Variants in GRM8 observed in about 807,000 individuals in gnomAD.
The protein encoded by GRM8 is glutamate metabotropic receptor 8.
In GRM8, 47 loss-of-function variants were observed where a neutral mutation model predicts 87.2. That is an observed-to-expected ratio of 0.54 (90% CI 0.43 to 0.69). The LOEUF is 0.69. GRM8 is among the 30% of genes least tolerant of loss of function. GRM8 has a pLI of 0.00. For synonymous variants in GRM8, 396 were observed against 404.5 expected, an observed-to-expected ratio of 0.98 and a Z score of 0.25; for missense variants, 1,019 against 1,139.2, an observed-to-expected ratio of 0.89 and a Z score of 1.52.
chr7:127,040,530 C>T (rs1480805155), intron 3 of GRM8, among the ~76,000 whole-genome samples: 3 of 151,748 alleles, frequency 2.0e-5, no homozygotes, highest in African/African-American at 7.3e-5. Flanking sequence ...ACCAGTGTAG[C>T]CAAACCCCAC....
intron 2 of GRM8, among the ~76,000 whole-genome samples, chr7:127,238,603 A>T (rs945245774): frequency 3.3e-5 from 5 of 152,198 alleles, no homozygotes; most frequent in South Asian, 2.1e-4. Context: ...CTCGAGGTTG[A>T]GTATCACTAA....
chr7:127,163,851 G>A (rs1395778406), intron 2 of GRM8, among the ~76,000 whole-genome samples: 1 of 152,042 alleles, frequency 6.6e-6, no homozygotes, highest in Non-Finnish European at 1.5e-5. Flanking sequence ...AAATGTTTAA[G>A]CACCCCTTTG....
intron 3 of GRM8, among the ~76,000 whole-genome samples, chr7:127,073,491 A>G (rs1213139626): frequency 6.6e-6 from 1 of 152,186 alleles, no homozygotes; most frequent in African/African-American, 2.4e-5. Flanking sequence ...GGAAAATGAA[A>G]GTACAGGCTC....
In GRM8 at chr7:126,995,436, C is replaced by T. The variant is rs541532613; in HGVS notation, c.728-90753G>A. On this transcript the variant is annotated intron_variant, in intron 3 of 10. Coordinates refer to ENST00000339582, the MANE Select transcript of GRM8 (RefSeq NM_000845.3). Reference sequence around the variant, plus strand: ...GGCAGAGAATTCAAAATAGCTCTTTCGAGGAAACTCAAAGAAATTCAACAT... The same window carrying T: ...GGCAGAGAATTCAAAATAGCTCTTTTGAGGAAACTCAAAGAAATTCAACAT... 2.3e-3 allele frequency among the ~76,000 whole-genome samples: 350 copies of T among 152,212 alleles called. 1 individual carries two copies. The highest frequency in any genetic ancestry group is 3.7e-3 in the Non-Finnish European group (252 of 67,984).
rs543610373 is a variant in GRM8 at position 126,618,165 on chromosome 7, G to C, written c.1358-8667C>G. 9.6e-4 allele frequency among the ~76,000 whole-genome samples: 146 copies of C among 152,166 alleles called. No homozygotes were observed. In the Middle Eastern group the frequency reaches 0.02, roughly 21 times the overall value. ...CAGTAACCAAAACAGCATGGTACTG[G>C]TACCAAAACAGAGATATAGACCAAT... is the stretch of plus-strand genomic sequence containing the variant. On this transcript the variant is annotated intron_variant, in intron 7 of 10. Coordinates refer to ENST00000339582, the MANE Select transcript of GRM8 (RefSeq NM_000845.3).
intron 6 of GRM8, among the ~76,000 whole-genome samples, chr7:126,791,919 T>C (rs1168498122): frequency 1.3e-5 from 2 of 152,160 alleles, no homozygotes; most frequent in Non-Finnish European, 2.9e-5. Flanking sequence ...GCACTCTGTG[T>C]TCCTCAGTGA....
intron 6 of GRM8, among the ~76,000 whole-genome samples, chr7:126,774,744 A>C (rs1819233119): frequency 6.6e-6 from 1 of 152,116 alleles, no homozygotes; most frequent in African/African-American, 2.4e-5. Context: ...AAATTGACTT[A>C]AGTTGGCAAA....
intron 3 of GRM8, chr7:127,082,076 A>G (rs1180430053): frequency 6.6e-6 from 1 of 152,240 alleles, no homozygotes; most frequent in Non-Finnish European, 1.5e-5. Flanking sequence ...GTACACACTG[A>G]GCCCACACTG....
At chr7:127,003,567 C>G (rs903426068) in intron 3 of GRM8, among the ~76,000 whole-genome samples, 1 of 151,656 alleles carries the variant, frequency 6.6e-6, no homozygotes, top group Non-Finnish European at 1.5e-5. Flanking sequence ...AAGAGTACTG[C>G]AACTCTCTGG....
At chr7:126,867,023 A>G (rs1195201208) in intron 6 of GRM8, among the ~76,000 whole-genome samples, 1 of 152,192 alleles carries the variant, frequency 6.6e-6, no homozygotes, top group Non-Finnish European at 1.5e-5. Context: ...AATTGGTATC[A>G]CAGCAATATT....
intron 8 of GRM8, among the ~76,000 whole-genome samples, chr7:126,561,847 A>G (rs956818324): frequency 1.1e-4 from 11 of 99,830 alleles, no homozygotes; most frequent in South Asian, 3.9e-4. Context: ...TCATTGTTCA[A>G]TTCCCACCTA....
At chr7:126,930,468 C>T (rs1805649369) in intron 3 of GRM8, among the ~76,000 whole-genome samples, 2 of 152,146 alleles carry the variant, frequency 1.3e-5, no homozygotes, top group Non-Finnish European at 2.9e-5. Context: ...CTTGCCGAGT[C>T]CTCCTTCTGA....
intron 6 of GRM8, among the ~76,000 whole-genome samples, chr7:126,846,255 C>T (rs886344651): frequency 7.2e-5 from 11 of 152,086 alleles, no homozygotes; most frequent in Admixed American, 4.6e-4. Context: ...AAAAATTAAA[C>T]TCCTTCACTC....
chr7:126,637,480 A>T (rs958804234), intron 7 of GRM8, among the ~76,000 whole-genome samples: 2 of 152,078 alleles, frequency 1.3e-5, no homozygotes, highest in Non-Finnish European at 2.9e-5. Context: ...TAAAAAAAAG[A>T]AGTTAAATAA....
intron 7 of GRM8, among the ~76,000 whole-genome samples, chr7:126,616,024 C>A (rs1799452449): frequency 6.6e-6 from 1 of 152,124 alleles, no homozygotes; most frequent in Non-Finnish European, 1.5e-5. Context: ...ACAAAGCAGA[C>A]CTAATAGACA....
At chr7:126,717,117 T>G (rs1300283295) in intron 7 of GRM8, among the ~76,000 whole-genome samples, 1 of 152,194 alleles carries the variant, frequency 6.6e-6, no homozygotes, top group Non-Finnish European at 1.5e-5. Context: ...TGGGCATCTA[T>G]TAGAGGGTCA....
At chr7:127,153,481 C>A (rs1792531423) in intron 2 of GRM8, among the ~76,000 whole-genome samples, 1 of 152,118 alleles carries the variant, frequency 6.6e-6, no homozygotes, top group African/African-American at 2.4e-5. Flanking sequence ...TGGTATGGGT[C>A]AGATATCTTC....
intron 9 of GRM8, among the ~76,000 whole-genome samples, chr7:126,513,352 AC>A (rs1461561786): frequency 6.6e-6 from 1 of 152,072 alleles, no homozygotes; most frequent in African/African-American, 2.4e-5. Context: ...AGTGATAAAA[AC>A]AGCAAACACT....
chr7:127,177,492 C>G (rs1794180232), intron 2 of GRM8, among the ~76,000 whole-genome samples: 1 of 152,228 alleles, frequency 6.6e-6, no homozygotes, highest in Non-Finnish European at 1.5e-5. Flanking sequence ...CTCCATACTA[C>G]TACAGCTGAT....
Sources: allele counts gnomAD v4.1 joint callset (sites outside exome capture counted in the v4.1 genomes callset), GRCh38; gene constraint gnomAD v4.1.1; transcripts MANE v1.5; gene names NCBI Gene and HGNC (gene_info 2026-07-23, HGNC 2026-07-21).